SDK1: variants seen among roughly 807,000 people sequenced by gnomAD.
SDK1 encodes the protein protein sidekick-1.
SDK1 carries 157 observed loss-of-function variants against 245.5 expected under a neutral mutation model. The ratio of observed to expected loss-of-function variants is 0.64; its 90% confidence interval spans 0.56 to 0.73. The LOEUF (loss-of-function observed/expected upper bound fraction) is 0.73. Among genes scored for constraint, SDK1 ranks in the 30% least tolerant of loss-of-function variants. The pLI, the probability that SDK1 is intolerant of heterozygous loss-of-function variation, is 0.00. For synonymous variants in SDK1, 1,647 were observed against 1,278.5 expected, an observed-to-expected ratio of 1.29 and a Z score of -6.15; for missense variants, 3,583 against 3,002.3, an observed-to-expected ratio of 1.19 and a Z score of -4.52.
chr7:3,701,277 C>T (rs1346593258), intron 4 of SDK1, among the ~76,000 whole-genome samples: 1 of 152,178 alleles, frequency 6.6e-6, no homozygotes, highest in Non-Finnish European at 1.5e-5. Flanking sequence ...ATACCGATGA[C>T]AGAAATCAAA....
At chr7:3,789,086 C>T (rs1487708083) in intron 4 of SDK1, among the ~76,000 whole-genome samples, 1 of 152,144 alleles carries the variant, frequency 6.6e-6, no homozygotes, top group Non-Finnish European at 1.5e-5. Flanking sequence ...AGGATACAGC[C>T]TGAAAGAATG....
intron 4 of SDK1, among the ~76,000 whole-genome samples, chr7:3,675,430 A>G (rs1783862235): frequency 6.6e-6 from 1 of 152,206 alleles, no homozygotes; most frequent in South Asian, 2.1e-4. Context: ...AAGTTAGATC[A>G]TGTCAGTCTT....
At chr7:3,354,926 C>T (rs912565203) in intron 1 of SDK1, among the ~76,000 whole-genome samples, 1 of 152,178 alleles carries the variant, frequency 6.6e-6, no homozygotes, top group Non-Finnish European at 1.5e-5. Context: ...TAAAATAATC[C>T]ACCAGCCAAC....
chr7:3,488,904 C>CGTGTGTGT (rs59773114), intron 1 of SDK1, among the ~76,000 whole-genome samples: 48 of 147,216 alleles, frequency 3.3e-4, no homozygotes, highest in African/African-American at 8.5e-4. Context: ...TTCCTCCCTC[C>CGTGTGTGT]GTGTGTGTGT....
At chr7:4,096,382 C>T (rs183230217) in intron 22 of SDK1, among the ~76,000 whole-genome samples, 12 of 152,152 alleles carry the variant, frequency 7.9e-5, no homozygotes, top group Admixed American at 2.0e-4. Context: ...ACCTTAGCAA[C>T]GAGCCACCCT....
At chr7:3,375,577 C>T (rs1465878704) in intron 1 of SDK1, among the ~76,000 whole-genome samples, 2 of 152,130 alleles carry the variant, frequency 1.3e-5, no homozygotes, top group East Asian at 3.8e-4. Context: ...ACATTGTAAC[C>T]TCTGTCTTGT....
At chr7:3,790,065 C>T (rs1387927298) in intron 4 of SDK1, among the ~76,000 whole-genome samples, 1 of 152,118 alleles carries the variant, frequency 6.6e-6, no homozygotes, top group African/African-American at 2.4e-5. Flanking sequence ...GAGAAAGACC[C>T]CGTAGTCCAA....
At position 3,790,973 on chromosome 7, in the gene SDK1, C is replaced by T. The variant is rs559193362; in HGVS notation, c.714-30477C>T. 2.1e-4 allele frequency among the ~76,000 whole-genome samples: 32 copies of T among 152,132 alleles called. No homozygotes were observed. In the South Asian group the frequency reaches 2.9e-3, roughly 14 times the overall value. ...CCCTGCTTGGTTTGAATCACAGCTC[C>T]GTCACTCACTTGCTGTGTGACCTTG... On this transcript the variant is annotated intron_variant, in intron 4 of 44. Transcript: ENST00000404826.
At position 3,619,060 on chromosome 7, in the gene SDK1, T is replaced by C. The variant is rs775922884; in HGVS notation, c.299-20T>C. On this transcript the variant is annotated intron_variant, in intron 1 of 44. Coordinates refer to ENST00000404826, the MANE Select transcript of SDK1 (RefSeq NM_152744.4). ...CATGCGTACTTCAGTTTTGTTTTGT[T>C]TTGTTTTTTAATATTTCAGATGATG... The C allele has an allele frequency of 1.0e-5, 16 of 1,538,224 alleles. No homozygotes were observed. The East Asian group carries it at 3.9e-4, about 37-fold the overall frequency.
At chr7:3,848,031 G>A (rs1175515444) in intron 5 of SDK1, among the ~76,000 whole-genome samples, 1 of 152,218 alleles carries the variant, frequency 6.6e-6, no homozygotes, top group Non-Finnish European at 1.5e-5. Context: ...ATGTGCATAT[G>A]TGCACAAGCA....
chr7:4,114,095 A>C lies in SDK1; in HGVS notation c.3644A>C (p.Tyr1215Ser). The change falls in exon 25 of 45, where the codon TAC (tyrosine) becomes TCC (serine). Residue 1215 changes from tyrosine (Y) to serine (S), a missense_variant. Coordinates refer to ENST00000404826, the MANE Select transcript of SDK1 (RefSeq NM_152744.4). ...NPESVGYRIK[Y>S]WRSDLQSSAV... ...GAGTCCGTGGGCTACAGGATTAAGT[A>C]CTGGCGCTCAGACCTCCAGTCCTCA... is the stretch of plus-strand genomic sequence containing the variant. 2 of 1,614,200 alleles carry C rather than the reference A, an allele frequency of 1.2e-6. No homozygotes were observed. The highest frequency in any genetic ancestry group is 8.5e-7 in the Non-Finnish European group (1 of 1,180,032).
At chr7:3,720,468 T>A (rs1015843146) in intron 4 of SDK1, among the ~76,000 whole-genome samples, 2 of 151,970 alleles carry the variant, frequency 1.3e-5, no homozygotes, top group Non-Finnish European at 2.9e-5. Context: ...CAAACAAACA[T>A]GTATAAAGAT....
intron 1 of SDK1, among the ~76,000 whole-genome samples, chr7:3,320,070 T>G (rs1779763609): frequency 1.3e-5 from 2 of 151,842 alleles, no homozygotes; most frequent in African/African-American, 4.8e-5. Flanking sequence ...GAAATTGTTC[T>G]CCCCAATTTA....
intron 40 of SDK1, among the ~76,000 whole-genome samples, chr7:4,229,097 T>C (rs1785599336): frequency 6.6e-6 from 1 of 152,246 alleles, no homozygotes; most frequent in African/African-American, 2.4e-5. Context: ...AGTTCTGTAA[T>C]GTTATTTTCC....
chr7:3,848,996 C>A lies in SDK1; in HGVS notation c.847+27413C>A, dbSNP rs115722084. 6.9e-3 allele frequency among the ~76,000 whole-genome samples: 1,055 copies of A among 152,320 alleles called. 14 individuals are homozygous for A. The highest frequency in any genetic ancestry group is 0.024 in the African/African-American group (986 of 41,586). On this transcript the variant is annotated intron_variant, in intron 5 of 44. Transcript: ENST00000404826. ...GGAGTTTTCTTTTCTAAATATGCCA[C>A]TTCTCTTCTTCCGGACCCCCTTGAG...
chr7:3,440,717 A>T (rs1387543250), intron 1 of SDK1, among the ~76,000 whole-genome samples: 1 of 152,160 alleles, frequency 6.6e-6, no homozygotes, highest in South Asian at 2.1e-4. Context: ...GAGGTTGCTA[A>T]GATTAAGAAC....
chr7:4,208,177 C>A lies in SDK1; in HGVS notation c.5293C>A (p.Leu1765Met), dbSNP rs777816905. 6.2e-7 allele frequency: 1 copy of A among 1,613,934 alleles called. No individual in the cohort carries two copies. The highest frequency in any genetic ancestry group is 1.1e-5 in the South Asian group (1 of 91,070). The change falls in exon 37 of 45, where the codon CTG becomes ATG. Residue 1765 changes from leucine to methionine, a missense_variant. Transcript: ENST00000404826. ...CTTCCTCCCCGAGCCCGTGGTGAGG[C>A]TGAAGAACCTGACCAGCCATACCAA... Reference protein sequence around the residue: ...VLFLPEPVVRLKNLTSHTKYL... With the variant: ...VLFLPEPVVRMKNLTSHTKYL...
chr7:3,551,235 A>G (rs1348135523), intron 1 of SDK1, among the ~76,000 whole-genome samples: 1 of 152,238 alleles, frequency 6.6e-6, no homozygotes, highest in Admixed American at 6.5e-5. Flanking sequence ...GTATTTATTA[A>G]TACAGGTCAT....
At chr7:4,029,515 TTC>T (rs144019330) in intron 17 of SDK1, among the ~76,000 whole-genome samples, 8,743 of 152,038 alleles carry the variant, frequency 0.058, 453 homozygotes, top group African/African-American at 0.13. Context: ...CCTGCCGATT[TTC>T]TTTCATTCAC....
Sources: gnomAD v4.1 joint callset for allele counts (sites outside exome capture counted in the v4.1 genomes callset) on GRCh38, gnomAD v4.1.1 for gene constraint, MANE v1.5 for transcripts, NCBI Gene and HGNC (gene_info 2026-07-23, HGNC 2026-07-21) for gene names.